FAM8A1: variants seen among roughly 807,000 people sequenced by gnomAD.
FAM8A1 encodes the protein family with sequence similarity 8 member A1.
FAM8A1 carries 18 observed loss-of-function variants against 38.3 expected under a neutral mutation model. The ratio of observed to expected loss-of-function variants is 0.47; its 90% CI spans 0.33 to 0.70. The LOEUF is 0.70. FAM8A1 is among the 30% of genes least tolerant of loss of function. The probability of loss-of-function intolerance (pLI) is 0.03; values close to 1 mark genes in which losing one functional copy is unlikely to be tolerated. For missense variants in FAM8A1, 559 were observed against 559.6 expected (o/e 1.00, Z 0.01); for synonymous variants, 246 against 234.4 (o/e 1.05, Z -0.45).
intron 4 of FAM8A1, among the ~76,000 whole-genome samples, chr6:17,606,687 G>A (rs577167998): frequency 6.6e-6 from 1 of 152,236 alleles, no homozygotes; most frequent in South Asian, 2.1e-4. Flanking sequence ...AGGCAGCAGA[G>A]TTTTGACAGC....
At position 17,610,415 on chromosome 6, in the gene FAM8A1, G is replaced by T. The variant is rs1256599723; in HGVS notation, c.*2076G>T. 6.6e-6 allele frequency: 1 copy of T among 151,954 alleles called. No homozygotes were observed. Among genetic ancestry groups the T allele is most frequent in the East Asian group, 1.9e-4 (1 of 5,198 alleles). The allele number at this position is 151,954 out of a possible 1,614,324, so 9.4% of individuals were successfully genotyped here. A position where few individuals can be genotyped will look rare whatever the true frequency, so the allele number is the denominator to read the frequency against. ...TTCAGTCAGATCCAACCATGGATTC[G>T]AGGTATTATACTGTATAACCCTACA... On this transcript the variant is annotated 3_prime_UTR_variant, in exon 5 of 5. Transcript: ENST00000259963.
At chr6:17,607,468 CTATCTATATACTATAGGTAGTATCTA>C (rs1481976215) in intron 4 of FAM8A1, among the ~76,000 whole-genome samples, 1 of 141,542 alleles carries the variant, frequency 7.1e-6, no homozygotes, top group Non-Finnish European at 1.5e-5. Context: ...TAGGTAGTCT[CTATCTATATACTATAGGTAGTATCTA>C]TATACTATAG....
In FAM8A1 at chr6:17,609,429, C is replaced by T. The variant is rs1764106206; in HGVS notation, c.*1090C>T. 1 of 152,048 alleles carries T rather than the reference C, an allele frequency of 6.6e-6. No individual in the cohort carries two copies. Among genetic ancestry groups the T allele is most frequent in the East Asian group, 1.9e-4 (1 of 5,190 alleles). 9.4% of individuals were successfully genotyped at this position (152,048 alleles called of 1,614,324 possible). A position where few individuals can be genotyped will look rare whatever the true frequency, so the allele number is the denominator to read the frequency against. Reference sequence around the variant, plus strand: ...GCTTGCGAAATATTAGCAATTTTCCCATTATGGACTATTCTCTCTAAAGCA... The same window carrying T: ...GCTTGCGAAATATTAGCAATTTTCCTATTATGGACTATTCTCTCTAAAGCA... On this transcript the variant is annotated 3_prime_UTR_variant, in exon 5 of 5. Coordinates refer to ENST00000259963, the MANE Select transcript of FAM8A1 (RefSeq NM_016255.3).
rs1467178568 is a variant in FAM8A1, at chr6:17,609,584, A to ACAC, written c.*1245_*1246insCAC. On this transcript the variant is annotated 3_prime_UTR_variant, in exon 5 of 5. Coordinates refer to ENST00000259963, the MANE Select transcript of FAM8A1 (RefSeq NM_016255.3). ...CCATTTTGCTTTATTCTTCTGTTGA[A>ACAC]GCAAAATTGTGGGGTTTTATTATGT... The ACAC allele has an allele frequency of 6.6e-6, 1 of 152,150 alleles. No individual in the cohort carries two copies. The highest frequency in any genetic ancestry group is 1.5e-5 in the Non-Finnish European group (1 of 68,014). 9.4% of individuals were successfully genotyped at this position (152,150 alleles called of 1,614,324 possible).
chr6:17,608,097 T>C, intron 4 of FAM8A1, 98 bp from the exon 5 acceptor site: 3 of 1,264,678 alleles, frequency 2.4e-6, no homozygotes. Context: ...AGAAGTACAA[T>C]TGTGTTTTAA....
intron 1 of FAM8A1, among the ~76,000 whole-genome samples, chr6:17,602,251 G>A (rs1042385825): frequency 2.6e-5 from 4 of 152,204 alleles, no homozygotes; most frequent in Non-Finnish European, 5.9e-5. Flanking sequence ...GGGCCAGACT[G>A]GTCTCGAACT....
At chr6:17,606,716 TCTC>T (rs912752004) in intron 4 of FAM8A1, among the ~76,000 whole-genome samples, 7 of 152,120 alleles carry the variant, frequency 4.6e-5, no homozygotes, top group African/African-American at 9.7e-5. Flanking sequence ...CGTGCATCCT[TCTC>T]CTGCTGTTAG....
At position 17,601,102 on chromosome 6, in the gene FAM8A1, C is replaced by G. The variant is rs371422165; in HGVS notation, c.693C>G (p.Ser231Arg). Reference protein sequence around the residue: ...VGSAAPSRSPSETGRQAGREY... With the variant: ...VGSAAPSRSPRETGRQAGREY... ...CCGCAGCCCCTTCGCGAAGCCCGAG[C>G]GAGACCGGGCGACAGGCAGGTGAGA... Residue 231 changes from serine (S) to arginine (R), a missense_variant, in exon 1 of 5, where the codon AGC becomes AGG. By Grantham distance (110) the Ser-to-Arg change is moderately radical. This residue lies in a region of FAM8A1 where 393 missense variants were observed against 338.9 expected (regional missense o/e 1.16). Coordinates refer to ENST00000259963, the MANE Select transcript of FAM8A1 (RefSeq NM_016255.3). The G allele has an allele frequency of 1.8e-4, 289 of 1,594,246 alleles. No individual in the cohort carries two copies. The highest frequency in any genetic ancestry group is 2.3e-4 in the Non-Finnish European group (268 of 1,173,120).
chr6:17,606,006 A>G lies in FAM8A1; in HGVS notation c.1090A>G (p.Ile364Val), dbSNP rs1312015517. 6.4e-7 allele frequency: 1 copy of G among 1,554,430 alleles called. No individual in the cohort carries two copies. Among genetic ancestry groups the G allele is most frequent in the South Asian group, 1.2e-5 (1 of 83,062 alleles). The change falls in exon 4 of 5, where the codon ATT becomes GTT. Residue 364 changes from isoleucine to valine, a missense_variant. Around this residue, in one of 2 missense-constraint regions of FAM8A1, gnomAD observed 166 missense variants for 220.8 expected, o/e 0.75. Coordinates refer to ENST00000259963, the MANE Select transcript of FAM8A1 (RefSeq NM_016255.3). ...AGTGATTCCTTCCTCAAATGTTAGC[A>G]TTACAACGTAAGTCCTTTTCTTAGC... ...VLVIPSSNVSITTSTIRALIK... is the reference protein window; with the variant it reads ...VLVIPSSNVSVTTSTIRALIK...
At position 17,611,458 on chromosome 6, in the gene FAM8A1, C is replaced by G. The variant is rs1311180526; in HGVS notation, c.*3119C>G. 6.6e-6 allele frequency: 1 copy of G among 152,590 alleles called. No homozygotes were observed. Among genetic ancestry groups the G allele is most frequent in the Admixed American group, 6.5e-5 (1 of 15,268 alleles). The allele number at this position is 152,590 out of a possible 1,614,324, so 9.5% of individuals were successfully genotyped here. On this transcript the variant is annotated 3_prime_UTR_variant, in exon 5 of 5. Coordinates refer to ENST00000259963, the MANE Select transcript of FAM8A1 (RefSeq NM_016255.3). ...GCCTAAATAACAGTATTCTTAAAATCTGACAGACAAGTAACATGTCAATTA... is the reference window on the plus strand; with the variant it reads ...GCCTAAATAACAGTATTCTTAAAATGTGACAGACAAGTAACATGTCAATTA...
Position 17,609,887 on chromosome 6 carries a change from T to C in FAM8A1, c.*1548T>C, listed in dbSNP as rs947906967. ...ACGTTTAAAACTGTGACAACAGATA[T>C]TCACATTTGATTATAGAAACTTAAT... On this transcript the variant is annotated 3_prime_UTR_variant, in exon 5 of 5. Coordinates refer to ENST00000259963, the MANE Select transcript of FAM8A1 (RefSeq NM_016255.3). 6.6e-6 allele frequency: 1 copy of C among 152,230 alleles called. No individual in the cohort carries two copies. Among genetic ancestry groups the C allele is most frequent in the Non-Finnish European group, 1.5e-5 (1 of 68,034 alleles). 9.4% of individuals were successfully genotyped at this position (152,230 alleles called of 1,614,324 possible).
Position 17,610,817 on chromosome 6 carries a change from C to T in FAM8A1, c.*2478C>T, listed in dbSNP as rs544902966. 21 of 152,236 alleles carry T rather than the reference C, an allele frequency of 1.4e-4. 1 individual carries two copies. The South Asian group carries it at 4.4e-3, about 32-fold the overall frequency. The allele number at this position is 152,236 out of a possible 1,614,324, so 9.4% of individuals were successfully genotyped here. On this transcript the variant is annotated 3_prime_UTR_variant, in exon 5 of 5. Transcript: ENST00000259963. ...TGAGTGAGAATACTGTTTCAATGAG[C>T]ATGTCCCTAAGATAAACCAGAATTG...
In FAM8A1 at chr6:17,608,624, T is replaced by C. The variant is rs921611629; in HGVS notation, c.*285T>C. The C allele has an allele frequency of 8.2e-6, 2 of 243,756 alleles. No individual in the cohort carries two copies. The highest frequency in any genetic ancestry group is 1.6e-5 in the Non-Finnish European group (2 of 128,962). The allele number at this position is 243,756 out of a possible 1,614,324, so 15.1% of individuals were successfully genotyped here. On this transcript the variant is annotated 3_prime_UTR_variant, in exon 5 of 5. Coordinates refer to ENST00000259963, the MANE Select transcript of FAM8A1 (RefSeq NM_016255.3). Reference sequence around the variant, plus strand: ...TAAGATCTAAGGTACTTTCTTAAGATCTAAGAATTTGCTGAAAGCATTTTC... The same window carrying C: ...TAAGATCTAAGGTACTTTCTTAAGACCTAAGAATTTGCTGAAAGCATTTTC...
chr6:17,605,146 T>C, intron 3 of FAM8A1, 117 bp downstream of exon 3: 2 of 894,878 alleles, frequency 2.2e-6, no homozygotes, highest in Non-Finnish European at 3.2e-6. Flanking sequence ...AGTGGTGTGA[T>C]CTTGGCTCAC....
Position 17,600,596 on chromosome 6 carries a change from G to C in FAM8A1, c.187G>C (p.Ala63Pro), listed in dbSNP as rs958888575. The change falls in exon 1 of 5, where the codon GCA (alanine) becomes CCA (proline). Residue 63 changes from alanine to proline, a missense_variant. Coordinates refer to ENST00000259963, the MANE Select transcript of FAM8A1 (RefSeq NM_016255.3). ...PTAPGLAAAA[A>P]ADKLEPPREL... ...AGCCCCGGGCCTCGCGGCTGCCGCC[G>C]CAGCCGACAAATTGGAGCCGCCGCG... 6.7e-7 allele frequency: 1 copy of C among 1,490,968 alleles called. No homozygotes were observed. Among genetic ancestry groups the C allele is most frequent in the Non-Finnish European group, 8.9e-7 (1 of 1,125,394 alleles). The allele number at this position is 1,490,968 out of a possible 1,614,324, so 92.4% of individuals were successfully genotyped here.
At chr6:17,601,568 G>A (rs1160597549) in intron 1 of FAM8A1, among the ~76,000 whole-genome samples, 2 of 152,210 alleles carry the variant, frequency 1.3e-5, no homozygotes, top group Non-Finnish European at 2.9e-5. Flanking sequence ...ATGGATACAA[G>A]TGGAGTTAGG....
In FAM8A1 at chr6:17,605,898, G is replaced by A; in HGVS notation, c.982G>A (p.Gly328Arg). Residue 328 changes from glycine to arginine, a missense_variant, in exon 4 of 5, where the codon GGA (glycine) becomes AGA (arginine). Physicochemically the swap from Gly to Arg is moderately radical, Grantham distance 125 (BLOSUM62 -2). This residue lies in a region of FAM8A1 where 166 missense variants were observed against 220.8 expected (regional missense o/e 0.75). Transcript: ENST00000259963. ...GATAATTTGCATTTGGGGAGCAGGT[G>A]GAGCTACCCCAGGGAAGTTCCTGCT... The part of the protein sequence containing the change: ...YEIICIWGAG[G>R]ATPGKFLLGL... 6.4e-7 allele frequency: 1 copy of A among 1,554,040 alleles called. No individual in the cohort carries two copies. Among genetic ancestry groups the A allele is most frequent in the Non-Finnish European group, 8.8e-7 (1 of 1,141,968 alleles).
chr6:17,608,875 A>G lies in FAM8A1; in HGVS notation c.*536A>G, dbSNP rs1764095935. 1 of 152,238 alleles carries G rather than the reference A, an allele frequency of 6.6e-6. No homozygotes were observed. The highest frequency in any genetic ancestry group is 2.4e-5 in the African/African-American group (1 of 41,456). 9.4% of individuals were successfully genotyped at this position (152,238 alleles called of 1,614,324 possible). On this transcript the variant is annotated 3_prime_UTR_variant, in exon 5 of 5. Transcript: ENST00000259963. Reference sequence around the variant, plus strand: ...GAGTTGGCTACAAGAGAAAGGGACAAGTGAGGCAGGCCTAGCAGTTCCCTT... The same window carrying G: ...GAGTTGGCTACAAGAGAAAGGGACAGGTGAGGCAGGCCTAGCAGTTCCCTT...
At chr6:17,602,552 T>A (rs1436021608) in intron 1 of FAM8A1, 38 bp from the exon 2 acceptor site, 9 of 1,468,524 alleles carry the variant, frequency 6.1e-6, no homozygotes, top group Non-Finnish European at 8.1e-6. Flanking sequence ...TGTGAAATGA[T>A]TCGTTTTTCC....
Sources: allele counts gnomAD v4.1 joint callset (sites outside exome capture counted in the v4.1 genomes callset), GRCh38; gene constraint gnomAD v4.1.1; regional missense constraint gnomAD v4.1.1; transcripts MANE v1.5; gene names NCBI Gene and HGNC (gene_info 2026-07-23, HGNC 2026-07-21).